COL19A1: variants seen among roughly 807,000 people sequenced by gnomAD.
COL19A1 encodes the protein collagen type XIX alpha 1 chain, also known as collagen alpha-1(XIX) chain.
Under a neutral mutation model 190.2 loss-of-function variants are expected in COL19A1, and 159 were observed. That is an observed-to-expected ratio of 0.84 (90% CI 0.73 to 0.95). The LOEUF (loss-of-function observed/expected upper bound fraction) is 0.95. COL19A1 is among the 40% of genes least tolerant of loss of function. The probability of loss-of-function intolerance (pLI) is 0.00; values close to 1 mark genes in which losing one functional copy is unlikely to be tolerated. For synonymous variants in COL19A1, 509 were observed against 458.9 expected, an observed-to-expected ratio of 1.11 and a Z score of -1.39; for missense variants, 1,418 against 1,431.9, an observed-to-expected ratio of 0.99 and a Z score of 0.16.
chr6:69,871,464 T>C (rs907861642), intron 1 of COL19A1, among the ~76,000 whole-genome samples: 30 of 152,206 alleles, frequency 2.0e-4, no homozygotes, highest in African/African-American at 6.5e-4. Flanking sequence ...TCTGAAAACA[T>C]GAGTTCTTTG....
chr6:70,175,153 A>G (rs1361144792), intron 41 of COL19A1, among the ~76,000 whole-genome samples: 2 of 152,122 alleles, frequency 1.3e-5, no homozygotes, highest in Admixed American at 6.5e-5. Flanking sequence ...CCATTTTTCT[A>G]TCAGTTATTT....
At chr6:70,064,745 T>A (rs552238562) in intron 14 of COL19A1, among the ~76,000 whole-genome samples, 158 of 152,320 alleles carry the variant, frequency 1.0e-3, no homozygotes, top group African/African-American at 3.5e-3. Flanking sequence ...CTTAAGTTGA[T>A]AAGCAACTTC....
intron 15 of COL19A1, among the ~76,000 whole-genome samples, chr6:70,092,811 G>A (rs1330323572): frequency 6.6e-6 from 1 of 152,088 alleles, no homozygotes; most frequent in Non-Finnish European, 1.5e-5. Context: ...CAGAAATACT[G>A]AAACTATGTC....
intron 9 of COL19A1, among the ~76,000 whole-genome samples, chr6:69,952,621 A>G (rs115849196): frequency 0.013 from 1,943 of 152,028 alleles, 41 homozygotes; most frequent in African/African-American, 0.038. Flanking sequence ...TATCATCATT[A>G]TATGAGGATA....
chr6:69,890,700 A>G (rs1185623598), intron 2 of COL19A1: 1 of 152,192 alleles, frequency 6.6e-6, no homozygotes, highest in Non-Finnish European at 1.5e-5. Context: ...ATTCACATTT[A>G]ACTGGGAATC....
chr6:69,931,240 A>ATT (rs112883188), intron 6 of COL19A1, among the ~76,000 whole-genome samples: 4 of 151,772 alleles, frequency 2.6e-5, no homozygotes, highest in African/African-American at 9.7e-5. Context: ...TGATATGAAG[A>ATT]TTTTTTTTTA....
intron 9 of COL19A1, among the ~76,000 whole-genome samples, chr6:69,959,725 G>A (rs959722869): frequency 6.6e-6 from 1 of 152,156 alleles, no homozygotes; most frequent in Admixed American, 6.5e-5. Flanking sequence ...GGCTGTAGGA[G>A]ACCTCAGTCC....
chr6:70,023,020 T>C (rs1020957217), intron 11 of COL19A1, among the ~76,000 whole-genome samples: 1 of 152,168 alleles, frequency 6.6e-6, no homozygotes, highest in African/African-American at 2.4e-5. Flanking sequence ...TGAATGGATA[T>C]GAGATCCTTG....
At chr6:70,197,945 TTTTC>T (rs1449887853) in intron 48 of COL19A1, among the ~76,000 whole-genome samples, 1 of 152,256 alleles carries the variant, frequency 6.6e-6, no homozygotes, top group Non-Finnish European at 1.5e-5. Context: ...AAACAATTGT[TTTTC>T]TTTCTTAACC....
intron 27 of COL19A1, 65 bp downstream of exon 27, chr6:70,146,954 T>C: frequency 7.2e-7 from 1 of 1,387,298 alleles, no homozygotes; most frequent in South Asian, 1.5e-5. Flanking sequence ...AGTGTCAAAT[T>C]TTAACAAGGA....
At chr6:70,156,078 T>TAGAC in intron 31 of COL19A1, 49 bp from the exon 32 acceptor site, 1 of 1,550,708 alleles carries the variant, frequency 6.4e-7, no homozygotes, top group South Asian at 1.2e-5. Context: ...CTCACCTTTA[T>TAGAC]AGACGGCTTT....
In COL19A1 at chr6:70,169,024, G is replaced by GAA. The variant is rs374526581; in HGVS notation, c.2568+345_2568+346dup. Among the ~76,000 whole-genome samples the GAA allele has an allele frequency of 4.5e-3, 682 of 151,884 alleles. 8 individuals carry two copies. The highest frequency in any genetic ancestry group is 0.014 in the African/African-American group (563 of 41,418). On this transcript the variant is annotated intron_variant, in intron 40 of 50. Coordinates refer to ENST00000620364, the MANE Select transcript of COL19A1 (RefSeq NM_001858.6). ...TCAATTTTAAGTAGATTGTGGAAGAGAAATACTTACTGGAAAGAAATCCCT... is the reference window on the plus strand; with the variant it reads ...TCAATTTTAAGTAGATTGTGGAAGAGAAAAATACTTACTGGAAAGAAATCCCT...
At chr6:70,194,997 G>A (rs918996971) in intron 48 of COL19A1, among the ~76,000 whole-genome samples, 6 of 150,890 alleles carry the variant, frequency 4.0e-5, no homozygotes, top group Admixed American at 3.3e-4. Flanking sequence ...ATGAATGTGT[G>A]TAAATATGTA....
intron 4 of COL19A1, among the ~76,000 whole-genome samples, chr6:69,915,690 G>T (rs1771247213): frequency 6.6e-6 from 1 of 152,146 alleles, no homozygotes; most frequent in African/African-American, 2.4e-5. Context: ...CATCATTTGA[G>T]ATAGTCACAT....
chr6:70,167,277 T>C (rs1418615470), intron 37 of COL19A1, among the ~76,000 whole-genome samples: 1 of 152,186 alleles, frequency 6.6e-6, no homozygotes, highest in Non-Finnish European at 1.5e-5. Flanking sequence ...ATGTGAAAAC[T>C]GCAGAAAGGA....
intron 2 of COL19A1, among the ~76,000 whole-genome samples, chr6:69,888,094 T>C (rs1769063895): frequency 6.6e-6 from 1 of 152,028 alleles, no homozygotes; most frequent in African/African-American, 2.4e-5. Flanking sequence ...CAGGTGGAGC[T>C]CCCTCAGAGG....
At chr6:70,203,734 T>C (rs1184822387) in intron 49 of COL19A1, among the ~76,000 whole-genome samples, 1 of 152,122 alleles carries the variant, frequency 6.6e-6, no homozygotes, top group Non-Finnish European at 1.5e-5. Context: ...GTCTACCACC[T>C]GAAAAACTAC....
chr6:70,037,760 C>T (rs1464435100), intron 14 of COL19A1, among the ~76,000 whole-genome samples: 1 of 152,120 alleles, frequency 6.6e-6, no homozygotes, highest in African/African-American at 2.4e-5. Context: ...TATTGGATTA[C>T]ATATATTTTG....
chr6:69,937,060 C>T, intron 8 of COL19A1, 150 bp downstream of exon 8: 1 of 1,111,068 alleles, frequency 9.0e-7, no homozygotes, highest in Non-Finnish European at 1.3e-6. Flanking sequence ...AAGAAAAAGG[C>T]ATTGAAGATA....
Sources: gnomAD v4.1 joint callset for allele counts (sites outside exome capture counted in the v4.1 genomes callset) on GRCh38, gnomAD v4.1.1 for gene constraint, MANE v1.5 for transcripts, NCBI Gene and HGNC (gene_info 2026-07-23, HGNC 2026-07-21) for gene names.